MDGA2: variants seen among roughly 807,000 people sequenced by gnomAD.
MDGA2 encodes the protein MAM domain containing glycosylphosphatidylinositol anchor 2.
Under a neutral mutation model 117.8 loss-of-function variants are expected in MDGA2, and 40 were observed. That is an observed-to-expected ratio of 0.34 (90% confidence interval 0.26 to 0.44). MDGA2 has a LOEUF of 0.44. Among genes scored for constraint, MDGA2 ranks in the 20% least tolerant of loss-of-function variants. The pLI, the probability that MDGA2 is intolerant of heterozygous loss-of-function variation, is 1.00. For synonymous variants in MDGA2, 452 were observed against 439.0 expected (o/e 1.03, Z -0.37); for missense variants, 1,123 against 1,250.6 (o/e 0.90, Z 1.54).
chr14:47,621,966 T>A (rs1897057738), intron 1 of MDGA2, among the ~76,000 whole-genome samples: 1 of 152,228 alleles, frequency 6.6e-6, no homozygotes, highest in South Asian at 2.1e-4. Flanking sequence ...TGGTTAAACA[T>A]AGTGATGATT....
At chr14:47,156,384 C>T (rs953429851) in intron 3 of MDGA2, among the ~76,000 whole-genome samples, 1 of 152,144 alleles carries the variant, frequency 6.6e-6, no homozygotes, top group Admixed American at 6.5e-5. Flanking sequence ...TAAATAGCTT[C>T]GTTTGAGTTC....
At chr14:47,637,061 C>T (rs2138236546) in intron 1 of MDGA2, among the ~76,000 whole-genome samples, 1 of 152,128 alleles carries the variant, frequency 6.6e-6, no homozygotes, top group South Asian at 2.1e-4. Context: ...TTTTAAACAT[C>T]ATAATAAATA....
intron 1 of MDGA2, among the ~76,000 whole-genome samples, chr14:47,386,726 C>T (rs1891768543): frequency 6.6e-6 from 1 of 152,066 alleles, no homozygotes; most frequent in Non-Finnish European, 1.5e-5. Flanking sequence ...AATCCACTTC[C>T]ACAAGTATGG....
chr14:47,248,436 G>A (rs1018576463), intron 2 of MDGA2, among the ~76,000 whole-genome samples: 1 of 151,612 alleles, frequency 6.6e-6, no homozygotes, highest in Non-Finnish European at 1.5e-5. Flanking sequence ...AATTTTTTCT[G>A]TGAATTTGCA....
chr14:47,048,505 A>C (rs1566592161), intron 7 of MDGA2, among the ~76,000 whole-genome samples: 1 of 152,068 alleles, frequency 6.6e-6, no homozygotes, highest in African/African-American at 2.4e-5. Context: ...AACCCATGTG[A>C]CATTGTTAGC....
chr14:47,628,189 C>T (rs1037089473), intron 1 of MDGA2, among the ~76,000 whole-genome samples: 5 of 152,188 alleles, frequency 3.3e-5, no homozygotes, highest in African/African-American at 1.2e-4. Flanking sequence ...CTCATCTTAC[C>T]TGACACTTTC....
intron 1 of MDGA2, among the ~76,000 whole-genome samples, chr14:47,537,486 A>C (rs11623228): frequency 0.26 from 38,526 of 149,338 alleles, 5,619 homozygotes; most frequent in South Asian, 0.53. Flanking sequence ...ACTGTTGTAC[A>C]TGAAAGAAAG....
At chr14:47,124,927 C>A (rs1378519362) in intron 5 of MDGA2, among the ~76,000 whole-genome samples, 2 of 152,140 alleles carry the variant, frequency 1.3e-5, no homozygotes, top group Non-Finnish European at 2.9e-5. Flanking sequence ...TAAATTTCTA[C>A]CGTTTCAGTC....
intron 8 of MDGA2, among the ~76,000 whole-genome samples, chr14:46,983,455 C>A (rs1038778727): frequency 6.6e-6 from 1 of 151,742 alleles, no homozygotes; most frequent in African/African-American, 2.4e-5. Flanking sequence ...CTCTGTCAAC[C>A]GAAATATTCT....
intron 3 of MDGA2, among the ~76,000 whole-genome samples, chr14:47,150,771 A>C (rs985255432): frequency 6.6e-6 from 1 of 151,972 alleles, no homozygotes; most frequent in Non-Finnish European, 1.5e-5. Flanking sequence ...TAAAAATATA[A>C]AAATTAGCTG....
At chr14:47,274,051 T>G (rs529544267) in intron 2 of MDGA2, among the ~76,000 whole-genome samples, 1 of 152,292 alleles carries the variant, frequency 6.6e-6, no homozygotes, top group South Asian at 2.1e-4. Flanking sequence ...ACGGCTTCAC[T>G]GCAATCACTA....
intron 1 of MDGA2, among the ~76,000 whole-genome samples, chr14:47,651,811 C>T (rs1013520958): frequency 4.6e-5 from 7 of 152,064 alleles, no homozygotes; most frequent in South Asian, 2.1e-4. Flanking sequence ...GGGATAAAAA[C>T]GAAAGGTCAA....
Position 47,674,939 on chromosome 14 carries a change from A to T in MDGA2, c.-143T>A. On this transcript the variant is annotated 5_prime_UTR_variant, in exon 1 of 17. Transcript: ENST00000399232. Reference sequence around the variant, plus strand: ...AGCAGGGGGCGGTGATGGGAAGGGGAGCTGCGAGGCGAAGTGTTCTTCAGG... The same window carrying T: ...AGCAGGGGGCGGTGATGGGAAGGGGTGCTGCGAGGCGAAGTGTTCTTCAGG... 2.0e-6 allele frequency: 1 copy of T among 497,888 alleles called. No individual in the cohort carries two copies. The highest frequency in any genetic ancestry group is 3.5e-6 in the Non-Finnish European group (1 of 287,000). 30.8% of individuals were successfully genotyped at this position (497,888 alleles called of 1,614,324 possible).
chr14:47,026,952 G>A (rs988705021), intron 8 of MDGA2, among the ~76,000 whole-genome samples: 11 of 151,940 alleles, frequency 7.2e-5, no homozygotes, highest in East Asian at 1.9e-4. Flanking sequence ...TGGGAGGGAC[G>A]CTTGAGGCCA....
At position 46,841,607 on chromosome 14, in the gene MDGA2, CT is replaced by C. The variant is rs66690712; in HGVS notation, c.*323del. ...TGCTTTGACAAGGATTTCTATAGCT[CT>C]TTTTTTTTTCTTTTTTTCATTTTTT... On this transcript the variant is annotated 3_prime_UTR_variant, in exon 17 of 17. Transcript: ENST00000399232. 79 of 146,516 alleles carry C rather than the reference CT, an allele frequency of 5.4e-4. No homozygotes were observed. Among genetic ancestry groups the C allele is most frequent in the South Asian group, 1.1e-3 (5 of 4,510 alleles). The allele number at this position is 146,516 out of a possible 1,614,324, so 9.1% of individuals were successfully genotyped here. A position where few individuals can be genotyped will look rare whatever the true frequency, so the allele number is the denominator to read the frequency against.
At chr14:47,309,540 A>G (rs549992735) in intron 1 of MDGA2, among the ~76,000 whole-genome samples, 3 of 152,240 alleles carry the variant, frequency 2.0e-5, no homozygotes, top group East Asian at 1.9e-4. Flanking sequence ...GTTGGGTAGC[A>G]TTGTTATAAA....
At chr14:47,640,267 C>T (rs1403008279) in intron 1 of MDGA2, among the ~76,000 whole-genome samples, 1 of 152,106 alleles carries the variant, frequency 6.6e-6, no homozygotes, top group Admixed American at 6.6e-5. Flanking sequence ...GGTGTATATC[C>T]AGTTTTCAAC....
rs1555336022 is a variant in MDGA2 at position 47,609,428 on chromosome 14, C to CATATATATATATATACATATAT, written c.280+65088_280+65089insATATATGTATATATATATATAT. ...TTTCTATGGCTGAGTAGTATTCCATCATATATATATATATATATATATATA... is the reference window on the plus strand; with the variant it reads ...TTTCTATGGCTGAGTAGTATTCCATCATATATATATATATACATATATATATATATATATATATATATATATA... On this transcript the variant is annotated intron_variant, in intron 1 of 16. Coordinates refer to ENST00000399232, the MANE Select transcript of MDGA2 (RefSeq NM_001113498.3). Among the ~76,000 whole-genome samples the CATATATATATATATACATATAT allele has an allele frequency of 2.5e-3, 44 of 17,564 alleles. 9 individuals carry two copies. Among genetic ancestry groups the CATATATATATATATACATATAT allele is most frequent in the East Asian group, 5.3e-3 (1 of 190 alleles). The allele number at this position is 17,564 out of a possible 152,430, so 11.5% of individuals were successfully genotyped here.
chr14:47,178,697 C>T (rs1169101366), intron 3 of MDGA2, among the ~76,000 whole-genome samples: 4 of 152,030 alleles, frequency 2.6e-5, no homozygotes, highest in Non-Finnish European at 1.5e-5. Flanking sequence ...CATCTTGTGT[C>T]GTGGTGCTAT....
Sources: gnomAD v4.1 joint callset for allele counts (sites outside exome capture counted in the v4.1 genomes callset) on GRCh38, gnomAD v4.1.1 for gene constraint, MANE v1.5 for transcripts, NCBI Gene and HGNC (gene_info 2026-07-23, HGNC 2026-07-21) for gene names.